Variants in PPIL4 observed in about 807,000 individuals in gnomAD.
PPIL4 encodes peptidylprolyl isomerase like 4.
Under a neutral mutation model 69.1 loss-of-function variants are expected in PPIL4, and 50 were observed. The ratio of observed to expected loss-of-function variants is 0.72; its 90% CI spans 0.58 to 0.92. The LOEUF is 0.92. Among genes scored for constraint, PPIL4 ranks in the 40% least tolerant of loss-of-function variants. The pLI is 0.00. For missense variants in PPIL4, 480 were observed against 587.9 expected (o/e 0.82, Z 1.90); for synonymous variants, 193 against 191.6 (o/e 1.01, Z -0.06).
chr6:149,521,711 C>T (rs1345080160), intron 9 of PPIL4, among the ~76,000 whole-genome samples: 1 of 152,138 alleles, frequency 6.6e-6, no homozygotes, highest in African/African-American at 2.4e-5. Flanking sequence ...TACATAATCA[C>T]AGATGTAATG....
intron 10 of PPIL4, among the ~76,000 whole-genome samples, chr6:149,520,511 A>G (rs1368266914): frequency 6.6e-6 from 1 of 152,196 alleles, no homozygotes; most frequent in Non-Finnish European, 1.5e-5. Flanking sequence ...TTTATAATAT[A>G]GTCAAACATA....
intron 7 of PPIL4, among the ~76,000 whole-genome samples, chr6:149,531,437 G>A (rs533510657): frequency 6.6e-6 from 1 of 150,812 alleles, no homozygotes; most frequent in Non-Finnish European, 1.5e-5. Context: ...TTGGGAAGCT[G>A]AGGCAGCTGA....
Position 149,530,937 on chromosome 6 carries a change from C to G in PPIL4, c.678+2521G>C, listed in dbSNP as rs899545533. Among the ~76,000 whole-genome samples, 3 of 152,198 alleles carry G rather than the reference C, an allele frequency of 2.0e-5. No individual in the cohort carries two copies. The South Asian group carries it at 6.2e-4, about 31-fold the overall frequency. ...TACCATGACCAAGTGACCAAAATTA[C>G]TCATCTTCCAATGAATATCGTACAC... On this transcript the variant is annotated intron_variant, in intron 7 of 12. Transcript: ENST00000253329.
At chr6:149,519,782 C>T (rs1057119989) in intron 10 of PPIL4, among the ~76,000 whole-genome samples, 2 of 150,648 alleles carry the variant, frequency 1.3e-5, no homozygotes, top group African/African-American at 4.9e-5. Context: ...TAAAAACAGA[C>T]AAAAAAAACA....
At chr6:149,529,595 T>C (rs1435007282) in intron 7 of PPIL4, among the ~76,000 whole-genome samples, 2 of 150,386 alleles carry the variant, frequency 1.3e-5, no homozygotes, top group African/African-American at 2.5e-5. Flanking sequence ...ACCTCGTCTC[T>C]ACTAAAAATA....
At chr6:149,511,416 T>C (rs1471199613) in intron 12 of PPIL4, among the ~76,000 whole-genome samples, 1 of 151,506 alleles carries the variant, frequency 6.6e-6, no homozygotes, top group African/African-American at 2.4e-5. Context: ...TGTGTGTGTG[T>C]GTGTACTTTT....
intron 11 of PPIL4, among the ~76,000 whole-genome samples, chr6:149,513,200 A>G (rs1776882504): frequency 6.8e-6 from 1 of 147,562 alleles, no homozygotes; most frequent in African/African-American, 2.5e-5. Context: ...AGCCTGGCCA[A>G]TATGGTGAAA....
chr6:149,534,811 A>G, intron 5 of PPIL4, 37 bp from the exon 6 acceptor site: 1 of 1,186,006 alleles, frequency 8.4e-7, no homozygotes, highest in Non-Finnish European at 1.2e-6. Flanking sequence ...TTATACATTG[A>G]AGTTATTTCA....
At chr6:149,523,275 T>C (rs1177181243) in intron 9 of PPIL4, among the ~76,000 whole-genome samples, 1 of 149,280 alleles carries the variant, frequency 6.7e-6, no homozygotes, top group African/African-American at 2.5e-5. Context: ...CAACACAGAG[T>C]GATCCTGTCC....
chr6:149,511,978 GATAA>G (rs148447956), intron 12 of PPIL4, among the ~76,000 whole-genome samples, 173 bp downstream of exon 12: 1 of 152,282 alleles, frequency 6.6e-6, no homozygotes, highest in Non-Finnish European at 1.5e-5. Flanking sequence ...TATCATTTGT[GATAA>G]ATATTTTTGA....
intron 1 of PPIL4, among the ~76,000 whole-genome samples, chr6:149,544,475 G>GTA (rs1777410061): frequency 6.6e-6 from 1 of 152,204 alleles, no homozygotes. Context: ...GATAATTATG[G>GTA]TATAGTTCCT....
intron 7 of PPIL4, among the ~76,000 whole-genome samples, chr6:149,532,075 C>T (rs555957737): frequency 5.3e-5 from 8 of 152,184 alleles, no homozygotes; most frequent in African/African-American, 1.9e-4. Flanking sequence ...TTAGGAAATA[C>T]ACACTGATTA....
intron 9 of PPIL4, among the ~76,000 whole-genome samples, chr6:149,523,066 T>C (rs1349843964): frequency 6.6e-6 from 1 of 152,188 alleles, no homozygotes; most frequent in Non-Finnish European, 1.5e-5. Flanking sequence ...AATATCCTCA[T>C]GTCTTTGAAG....
chr6:149,541,687 GA>G (rs1012687014), intron 1 of PPIL4, 101 bp from the exon 2 acceptor site: 133 of 660,568 alleles, frequency 2.0e-4, no homozygotes, highest in Middle Eastern at 8.6e-4. Flanking sequence ...ACTATTAAAA[GA>G]AAAAAAAAGT....
At chr6:149,520,719 A>C (rs1042991291) in intron 10 of PPIL4, among the ~76,000 whole-genome samples, 9 of 152,192 alleles carry the variant, frequency 5.9e-5, no homozygotes, top group Non-Finnish European at 1.3e-4. Context: ...CATGAAAAGC[A>C]TAACAAAAAC....
intron 10 of PPIL4, 33 bp from the exon 11 acceptor site, chr6:149,517,483 TA>T (rs148267012): frequency 9.1e-7 from 1 of 1,094,452 alleles, no homozygotes; most frequent in Admixed American, 2.5e-5. Context: ...AAGAGCTTAG[TA>T]AAAAAACCAC....
At chr6:149,517,208 T>A in intron 11 of PPIL4, 146 bp downstream of exon 11, 1 of 606,906 alleles carries the variant, frequency 1.6e-6, no homozygotes, top group Non-Finnish European at 2.9e-6. Context: ...GAGATAATGA[T>A]AAACTAAGTT....
chr6:149,541,043 G>A lies in PPIL4; in HGVS notation c.220C>T (p.Gln74Ter). The A allele has an allele frequency of 6.2e-7, 1 of 1,609,112 alleles. No homozygotes were observed. The highest frequency in any genetic ancestry group is 8.5e-7 in the Non-Finnish European group (1 of 1,175,988). Residue 74 changes from glutamine to a stop codon, truncating the protein, a stop_gained, in exon 4 of 13, where the codon CAA becomes TAA. Transcript: ENST00000253329. LOFTEE classifies it high-confidence loss of function. ...ESIFGQLYGD[Q>*]ASFFEAEKVP... ...TTTTCTGCCTCAAAAAAGCTTGCTT[G>A]ATCACCATACAGTTGGCTGAAAAAA...
At chr6:149,537,478 C>A (rs920959749) in intron 4 of PPIL4, among the ~76,000 whole-genome samples, 1 of 152,082 alleles carries the variant, frequency 6.6e-6, no homozygotes, top group East Asian at 1.9e-4. Context: ...GAGGCCGAGG[C>A]GGGTGGATCA....
Sources: allele counts gnomAD v4.1 joint callset (sites outside exome capture counted in the v4.1 genomes callset), GRCh38; gene constraint gnomAD v4.1.1; transcripts MANE v1.5; gene names NCBI Gene and HGNC (gene_info 2026-07-23, HGNC 2026-07-21).